The following PRELID2 variants were observed in gnomAD, a reference collection of about 807,000 sequenced individuals.
PRELID2 encodes PRELI domain containing 2.
A neutral mutation model predicts 28.4 loss-of-function variants in PRELID2; 25 were observed. That is an observed-to-expected ratio of 0.88 (90% CI 0.64 to 1.23). The LOEUF is 1.23. PRELID2 is among the 50% of genes most tolerant of loss of function. The probability of loss-of-function intolerance (pLI) is 0.00; values close to 1 mark genes in which losing one functional copy is unlikely to be tolerated. For missense variants in PRELID2, 201 were observed against 214.4 expected, an observed-to-expected ratio of 0.94 and a Z score of 0.39; for synonymous variants, 76 against 71.6, an observed-to-expected ratio of 1.06 and a Z score of -0.31.
rs1196523285 is a variant in PRELID2, at chr5:145,508,042, C to T, written n.71-34727G>A. Reference sequence around the variant, plus strand: ...TTAACTTTGCATTAGTATTGTCCTCCCATGTTCATAAAGATTACCAAAATT... The same window carrying T: ...TTAACTTTGCATTAGTATTGTCCTCTCATGTTCATAAAGATTACCAAAATT... On this transcript the variant is annotated intron_variant and non_coding_transcript_variant, in intron 1 of 2. Coordinates refer to the PRELID2 transcript ENST00000510259. Among the ~76,000 whole-genome samples, 5 of 152,144 alleles carry T rather than the reference C, an allele frequency of 3.3e-5. No individual in the cohort carries two copies. In the East Asian group the frequency reaches 9.6e-4, roughly 29 times the overall value.
the PRELID2 span, among the ~76,000 whole-genome samples, chr5:145,364,899 A>G: frequency 6.6e-6 from 1 of 152,020 alleles, no homozygotes; most frequent in South Asian, 2.1e-4. Context: ...CCAAAAGGAA[A>G]TATTAATCTA....
the PRELID2 span, among the ~76,000 whole-genome samples, chr5:145,411,725 A>G: frequency 6.6e-6 from 1 of 152,132 alleles, no homozygotes; most frequent in East Asian, 1.9e-4. Context: ...CTCTAATCCC[A>G]CATTTCCCTT....
chr5:145,527,894 T>C (rs1397938210), intron 1 of PRELID2, among the ~76,000 whole-genome samples: 2 of 152,178 alleles, frequency 1.3e-5, no homozygotes, highest in African/African-American at 2.4e-5. Flanking sequence ...TTATTATCTA[T>C]AAGGCTGCCA....
intron 1 of PRELID2, among the ~76,000 whole-genome samples, chr5:145,825,255 A>T (rs1465209566): frequency 2.1e-5 from 3 of 141,008 alleles, no homozygotes; most frequent in East Asian, 4.2e-4. Flanking sequence ...AAAAAAAAAA[A>T]AAAAACTTGG....
At chr5:145,237,592 C>T in the PRELID2 span, among the ~76,000 whole-genome samples, 1 of 152,066 alleles carries the variant, frequency 6.6e-6, no homozygotes, top group Non-Finnish European at 1.5e-5. Context: ...CTAAAGCCGA[C>T]TTCTCCCACC....
At chr5:145,276,228 T>C in the PRELID2 span, among the ~76,000 whole-genome samples, 1 of 152,156 alleles carries the variant, frequency 6.6e-6, no homozygotes. Flanking sequence ...GGAAGCACAT[T>C]AATGACAAAT....
At chr5:145,412,246 A>G in the PRELID2 span, among the ~76,000 whole-genome samples, 1 of 152,040 alleles carries the variant, frequency 6.6e-6, no homozygotes, top group South Asian at 2.1e-4. Context: ...CCAGGCTGCA[A>G]TTTTTCCAAA....
intron 3 of PRELID2, chr5:145,819,703 T>C (rs1754623671): frequency 1.7e-6 from 1 of 573,198 alleles, no homozygotes; most frequent in African/African-American, 1.9e-5. Context: ...ATCTTTAAAG[T>C]AACTGCACAA....
the PRELID2 span, among the ~76,000 whole-genome samples, chr5:145,388,790 T>C: frequency 6.6e-6 from 1 of 152,132 alleles, no homozygotes; most frequent in Admixed American, 6.6e-5. Context: ...TATTACCACT[T>C]TGGCAAGACT....
chr5:145,499,804 G>T (rs1185272678), intron 1 of PRELID2, among the ~76,000 whole-genome samples: 1 of 152,228 alleles, frequency 6.6e-6, no homozygotes, highest in East Asian at 1.9e-4. Flanking sequence ...ATTCCAGTCA[G>T]CTCTGCTGCC....
chr5:145,574,422 C>T (rs141163266), intron 1 of PRELID2, among the ~76,000 whole-genome samples: 154 of 152,300 alleles, frequency 1.0e-3, no homozygotes, highest in Non-Finnish European at 1.4e-3. Context: ...TAATTTCTTA[C>T]AGCAGCAATA....
At chr5:145,243,107 C>T in the PRELID2 span, among the ~76,000 whole-genome samples, 111 of 151,940 alleles carry the variant, frequency 7.3e-4, no homozygotes, top group Non-Finnish European at 1.3e-4. Flanking sequence ...GTATTAAGAA[C>T]AGTCCAAAGA....
chr5:145,753,144 G>A (rs957063591), downstream of PRELID2, among the ~76,000 whole-genome samples: 2 of 152,194 alleles, frequency 1.3e-5, no homozygotes, highest in African/African-American at 4.8e-5. Flanking sequence ...CCTAACAGAT[G>A]GCAGGCACGA....
chr5:145,563,128 A>G (rs1362358190), intron 1 of PRELID2, among the ~76,000 whole-genome samples: 2 of 152,210 alleles, frequency 1.3e-5, no homozygotes, highest in African/African-American at 4.8e-5. Flanking sequence ...TCTTATCCTC[A>G]TACCCTGGCC....
the PRELID2 span, among the ~76,000 whole-genome samples, chr5:145,237,433 AT>A: frequency 0.059 from 8,926 of 152,070 alleles, 485 homozygotes; most frequent in African/African-American, 0.14. Context: ...AATTCCTATG[AT>A]TTTTTTAATG....
chr5:145,563,068 G>A (rs1410588431), intron 1 of PRELID2, among the ~76,000 whole-genome samples: 3 of 152,114 alleles, frequency 2.0e-5, no homozygotes, highest in Non-Finnish European at 4.4e-5. Flanking sequence ...TTGTTAATGT[G>A]GCTCATGCTG....
At chr5:145,747,357 C>G (rs1050445130) in intron 1 of PRELID2, among the ~76,000 whole-genome samples, 7 of 151,992 alleles carry the variant, frequency 4.6e-5, no homozygotes, top group Non-Finnish European at 8.8e-5. Context: ...ACCACTGACA[C>G]CACAGAAATA....
intron 1 of PRELID2, among the ~76,000 whole-genome samples, chr5:145,700,504 T>A (rs924722818): frequency 2.0e-5 from 3 of 152,112 alleles, no homozygotes; most frequent in African/African-American, 7.2e-5. Flanking sequence ...ACTGCCAATA[T>A]CACCAGAATC....
chr5:145,594,782 A>G (rs1437324305), intron 1 of PRELID2, among the ~76,000 whole-genome samples: 1 of 152,146 alleles, frequency 6.6e-6, no homozygotes, highest in Non-Finnish European at 1.5e-5. Context: ...CGTATTTTCT[A>G]TTTTTTAAGC....
Sources: allele counts gnomAD v4.1 joint callset (sites outside exome capture counted in the v4.1 genomes callset), GRCh38; gene constraint gnomAD v4.1.1; transcripts MANE v1.5; gene names NCBI Gene and HGNC (gene_info 2026-07-23, HGNC 2026-07-21).